Variants in ANKS1B observed in about 807,000 individuals in gnomAD.
ANKS1B encodes ankyrin repeat and sterile alpha motif domain-containing protein 1B.
In ANKS1B, 36 loss-of-function variants were observed where a neutral mutation model predicts 148.3. The observed-to-expected ratio is 0.24, with a 90% CI of 0.19 to 0.32. The LOEUF is 0.32. Among genes scored for constraint, ANKS1B ranks in the 10% least tolerant of loss-of-function variants. The pLI is 1.00. For missense variants in ANKS1B, 1,157 were observed against 1,542.6 expected (o/e 0.75, Z 4.19); for synonymous variants, 542 against 560.8 (o/e 0.97, Z 0.47).
intron 14 of ANKS1B, among the ~76,000 whole-genome samples, chr12:99,180,626 G>GT (rs11415606): frequency 0.26 from 32,904 of 125,922 alleles, 4,229 homozygotes; most frequent in African/African-American, 0.3. Context: ...GAGGGAAAGG[G>GT]TTTTTTTTTT....
In ANKS1B at chr12:99,806,743, A is replaced by G; in HGVS notation, c.373-43T>C. The G allele has an allele frequency of 3.2e-6, 5 of 1,559,242 alleles. No individual in the cohort carries two copies. In the Middle Eastern group the frequency reaches 5.1e-4, roughly 160 times the overall value. The stretch of plus-strand genomic sequence containing the variant: ...AAAAAGGCACATTTTCAGAAATTCA[A>G]TTTGTTATCAAAATCTTAACACAGT... On this transcript the variant is annotated intron_variant, in intron 3 of 26. Coordinates refer to ENST00000683438, the MANE Select transcript of ANKS1B (RefSeq NM_001352186.2).
chr12:99,583,541 C>A (rs2097591688), intron 9 of ANKS1B, among the ~76,000 whole-genome samples: 1 of 152,050 alleles, frequency 6.6e-6, no homozygotes, highest in Admixed American at 6.6e-5. Context: ...AGTTCTTTTT[C>A]CACTGGAATT....
At chr12:99,267,136 AG>A (rs1243122655) in intron 12 of ANKS1B, among the ~76,000 whole-genome samples, 1 of 152,242 alleles carries the variant, frequency 6.6e-6, no homozygotes, top group African/African-American at 2.4e-5. Flanking sequence ...AGTGACATTC[AG>A]ACATGTGCAT....
intron 12 of ANKS1B, among the ~76,000 whole-genome samples, chr12:99,376,786 A>G (rs1161012164): frequency 6.6e-6 from 1 of 152,150 alleles, no homozygotes; most frequent in Non-Finnish European, 1.5e-5. Flanking sequence ...ACCTCATTTC[A>G]GCAAATTAAA....
intron 9 of ANKS1B, among the ~76,000 whole-genome samples, chr12:99,643,381 C>T (rs1198072289): frequency 1.3e-5 from 2 of 152,142 alleles, no homozygotes; most frequent in South Asian, 4.1e-4. Flanking sequence ...TGTAGCGAAA[C>T]AATTATAGAT....
intron 17 of ANKS1B, among the ~76,000 whole-genome samples, chr12:99,001,453 T>C (rs748464882): frequency 1.6e-4 from 25 of 152,188 alleles, no homozygotes; most frequent in Non-Finnish European, 2.6e-4. Context: ...TTTAGATAAA[T>C]ACCGAAAAGT....
intron 17 of ANKS1B, among the ~76,000 whole-genome samples, chr12:98,841,816 C>A (rs747687265): frequency 5.5e-4 from 84 of 151,878 alleles, no homozygotes; most frequent in Middle Eastern, 3.4e-3. Flanking sequence ...TTTGTCCCCA[C>A]CCCCACCACT....
intron 9 of ANKS1B, among the ~76,000 whole-genome samples, chr12:99,560,976 A>G (rs1488690821): frequency 6.7e-6 from 1 of 149,490 alleles, no homozygotes; most frequent in Non-Finnish European, 1.5e-5. Flanking sequence ...CCTCCTGAGT[A>G]GCTGGGACTA....
chr12:99,418,627 C>A (rs1240329125), intron 11 of ANKS1B, among the ~76,000 whole-genome samples: 1 of 151,952 alleles, frequency 6.6e-6, no homozygotes, highest in Non-Finnish European at 1.5e-5. Flanking sequence ...ATCTGTATGC[C>A]TTTTATTTTT....
rs1431437367 is a variant in ANKS1B, at chr12:99,970,207, G to A, written c.134+13897C>T. ...TTAGAATACTCAGAAATCCTGGGGT[G>A]GGATCAGGAAATAACACGTTTAACA... On this transcript the variant is annotated intron_variant, in intron 1 of 26. Coordinates refer to ENST00000683438, the MANE Select transcript of ANKS1B (RefSeq NM_001352186.2). 2.0e-5 allele frequency among the ~76,000 whole-genome samples: 3 copies of A among 152,180 alleles called. No individual in the cohort carries two copies. The East Asian group carries it at 5.8e-4, about 29-fold the overall frequency.
At chr12:98,938,635 G>T (rs537754605) in intron 17 of ANKS1B, among the ~76,000 whole-genome samples, 4 of 152,320 alleles carry the variant, frequency 2.6e-5, no homozygotes, top group African/African-American at 9.6e-5. Context: ...ATGTGTCCTT[G>T]GGGGAAGACA....
At chr12:98,999,609 T>C (rs1362389977) in intron 17 of ANKS1B, among the ~76,000 whole-genome samples, 1 of 152,240 alleles carries the variant, frequency 6.6e-6, no homozygotes, top group Non-Finnish European at 1.5e-5. Flanking sequence ...CTATGATTTA[T>C]TAGGTATCAA....
chr12:99,947,777 A>G (rs948571862), intron 1 of ANKS1B, among the ~76,000 whole-genome samples: 1 of 152,172 alleles, frequency 6.6e-6, no homozygotes, highest in Non-Finnish European at 1.5e-5. Context: ...GGGCATATTC[A>G]GGTGGTTGGC....
chr12:99,428,877 G>A (rs1475805087), intron 11 of ANKS1B, among the ~76,000 whole-genome samples: 1 of 152,088 alleles, frequency 6.6e-6, no homozygotes, highest in Non-Finnish European at 1.5e-5. Flanking sequence ...TAGAAATCCC[G>A]ATGTTCCAGA....
intron 1 of ANKS1B, among the ~76,000 whole-genome samples, chr12:99,946,853 T>C (rs2095076133): frequency 6.6e-6 from 1 of 152,106 alleles, no homozygotes; most frequent in South Asian, 2.1e-4. Context: ...CATGGAGTAC[T>C]ACCACCACTG....
At chr12:99,460,522 A>G (rs1055497239) in intron 10 of ANKS1B, among the ~76,000 whole-genome samples, 1 of 152,178 alleles carries the variant, frequency 6.6e-6, no homozygotes, top group Non-Finnish European at 1.5e-5. Flanking sequence ...CACATCCAAC[A>G]AAAGCTACAA....
intron 14 of ANKS1B, among the ~76,000 whole-genome samples, chr12:99,165,346 T>C (rs1337979164): frequency 6.6e-6 from 1 of 151,898 alleles, no homozygotes; most frequent in African/African-American, 2.4e-5. Flanking sequence ...AGCTGTTTTT[T>C]GAGATGATTA....
At chr12:99,198,858 T>C (rs1456007880) in intron 14 of ANKS1B, among the ~76,000 whole-genome samples, 1 of 152,146 alleles carries the variant, frequency 6.6e-6, no homozygotes, top group African/African-American at 2.4e-5. Flanking sequence ...GTGTGACCAA[T>C]GGGATTTTGA....
chr12:99,891,371 T>A (rs1565938535), intron 1 of ANKS1B, among the ~76,000 whole-genome samples: 1 of 151,962 alleles, frequency 6.6e-6, no homozygotes, highest in Non-Finnish European at 1.5e-5. Context: ...TATATAGAGG[T>A]TGTTTATATC....
Sources: gnomAD v4.1 joint callset for allele counts (sites outside exome capture counted in the v4.1 genomes callset) on GRCh38, gnomAD v4.1.1 for gene constraint, MANE v1.5 for transcripts, NCBI Gene and HGNC (gene_info 2026-07-23, HGNC 2026-07-21) for gene names.